Variants in ANO10 observed in about 807,000 individuals in gnomAD.
ANO10 encodes anoctamin 10.
ANO10 carries 77 observed loss-of-function variants against 74.7 expected under a neutral mutation model. The observed-to-expected ratio is 1.03, with a 90% CI of 0.86 to 1.25. ANO10 has a LOEUF of 1.25. Ranked by LOEUF, ANO10 falls within the 50% of genes most tolerant of loss-of-function variation. The probability of loss-of-function intolerance (pLI) is 0.00; values close to 1 mark genes in which losing one functional copy is unlikely to be tolerated. For synonymous variants in ANO10, 279 were observed against 284.9 expected, an observed-to-expected ratio of 0.98 and a Z score of 0.21; for missense variants, 721 against 778.1, an observed-to-expected ratio of 0.93 and a Z score of 0.87.
At chr3:43,427,274 G>A (rs2092912743) in intron 12 of ANO10, among the ~76,000 whole-genome samples, 1 of 152,248 alleles carries the variant, frequency 6.6e-6, no homozygotes, top group African/African-American at 2.4e-5. Flanking sequence ...TTTTTGCTGG[G>A]GGGTGGGGAT....
intron 8 of ANO10, among the ~76,000 whole-genome samples, chr3:43,562,540 G>C (rs2080097493): frequency 6.8e-6 from 1 of 147,446 alleles, no homozygotes; most frequent in East Asian, 2.0e-4. Context: ...AATTAGCCAG[G>C]CGTGGTGGCG....
intron 11 of ANO10, among the ~76,000 whole-genome samples, chr3:43,544,808 A>AG (rs1049740482): frequency 6.6e-6 from 1 of 151,648 alleles, no homozygotes; most frequent in African/African-American, 2.4e-5. Context: ...AAAAAAAAAA[A>AG]AAAAAAAAAG....
intron 11 of ANO10, among the ~76,000 whole-genome samples, chr3:43,443,280 T>C (rs2093188405): frequency 6.6e-6 from 1 of 152,128 alleles, no homozygotes; most frequent in Admixed American, 6.5e-5. Context: ...AGCAAACCCT[T>C]GAAGCTTTGC....
intron 12 of ANO10, among the ~76,000 whole-genome samples, chr3:43,423,129 A>G (rs550675076): frequency 6.6e-6 from 1 of 152,194 alleles, no homozygotes; most frequent in African/African-American, 2.4e-5. Flanking sequence ...AAAAAAAAAA[A>G]AAAGGATTTG....
At chr3:43,617,739 AG>A (rs904629170) in intron 1 of ANO10, among the ~76,000 whole-genome samples, 30 of 152,112 alleles carry the variant, frequency 2.0e-4, no homozygotes, top group South Asian at 8.3e-4. Flanking sequence ...AGAAAAAAAA[AG>A]TCAATGGAAT....
At chr3:43,578,524 C>T (rs57223361) in intron 5 of ANO10, among the ~76,000 whole-genome samples, 6 of 152,058 alleles carry the variant, frequency 3.9e-5, no homozygotes, top group South Asian at 2.1e-4. Context: ...CCAAGGCGGG[C>T]GAATCACCTG....
intron 1 of ANO10, among the ~76,000 whole-genome samples, chr3:43,660,372 C>G (rs1167712593): frequency 2.0e-5 from 3 of 151,960 alleles, no homozygotes; most frequent in Non-Finnish European, 2.9e-5. Context: ...ATCAAGCTAA[C>G]TAGAAAAATA....
chr3:43,620,326 C>A (rs1285647837), intron 1 of ANO10, among the ~76,000 whole-genome samples: 3 of 152,050 alleles, frequency 2.0e-5, no homozygotes, highest in Non-Finnish European at 4.4e-5. Flanking sequence ...AACAATATTA[C>A]CCCAATTAGG....
At position 43,605,793 on chromosome 3, in the gene ANO10, G is replaced by C; in HGVS notation, c.60C>G (p.Val20=). ...TSESSFTPLV[V]IELAQDVKEE... ...CTTTGACATCCTGAGCAAGTTCTAT[G>C]ACCACCAAAGGTGTGAAAGAACTCT... The change falls in exon 2 of 13, where the codon GTC becomes GTG. Residue 20 remains valine, a synonymous_variant. Transcript: ENST00000292246. The C allele has an allele frequency of 6.2e-7, 1 of 1,613,524 alleles. No individual in the cohort carries two copies. The highest frequency in any genetic ancestry group is 2.2e-5 in the East Asian group (1 of 44,852).
At chr3:43,377,179 C>T (rs113666906) in intron 12 of ANO10, among the ~76,000 whole-genome samples, 4,181 of 152,234 alleles carry the variant, frequency 0.027, 203 homozygotes, top group African/African-American at 0.095. Flanking sequence ...CTGGACCTTC[C>T]GGGATCAGGT....
intron 12 of ANO10, among the ~76,000 whole-genome samples, chr3:43,415,405 C>G (rs2092723268): frequency 1.3e-5 from 2 of 152,078 alleles, no homozygotes; most frequent in African/African-American, 4.8e-5. Flanking sequence ...TTATCAACAC[C>G]AAGACACACA....
chr3:43,368,886 C>T (rs1454560261), intron 12 of ANO10, among the ~76,000 whole-genome samples: 1 of 152,170 alleles, frequency 6.6e-6, no homozygotes, highest in East Asian at 1.9e-4. Flanking sequence ...ACAGAACATT[C>T]CCCAGCTTGT....
At chr3:43,545,046 T>G (rs1333089710) in intron 11 of ANO10, among the ~76,000 whole-genome samples, 1 of 152,098 alleles carries the variant, frequency 6.6e-6, no homozygotes, top group Non-Finnish European at 1.5e-5. Context: ...AAAAAAAGCA[T>G]CTTAAATTGC....
intron 11 of ANO10, among the ~76,000 whole-genome samples, chr3:43,465,296 A>G (rs540060019): frequency 6.6e-6 from 1 of 152,336 alleles, no homozygotes; most frequent in South Asian, 2.1e-4. Flanking sequence ...CAGTATTTAC[A>G]CAAACCTAGA....
Position 43,547,784 on chromosome 3 carries a change from T to C in ANO10, c.1797+1936A>G, listed in dbSNP as rs190184400. ...TAAGTAAGAAGAACCAGGCCCTCAA[T>C]ATGTGATTAAGGTATCACTAAATAC... On this transcript the variant is annotated intron_variant, in intron 11 of 12. Coordinates refer to ENST00000292246, the MANE Select transcript of ANO10 (RefSeq NM_018075.5). 1.2e-3 allele frequency among the ~76,000 whole-genome samples: 181 copies of C among 152,280 alleles called. 1 individual carries two copies. The highest frequency in any genetic ancestry group is 4.3e-3 in the African/African-American group (179 of 41,576).
intron 1 of ANO10, among the ~76,000 whole-genome samples, chr3:43,657,687 C>A (rs2083873240): frequency 6.6e-6 from 1 of 152,192 alleles, no homozygotes; most frequent in Non-Finnish European, 1.5e-5. Context: ...TTTCTAGGCC[C>A]CAGGATAGCC....
At chr3:43,570,076 A>G (rs1342170718) in intron 7 of ANO10, among the ~76,000 whole-genome samples, 1 of 147,208 alleles carries the variant, frequency 6.8e-6, no homozygotes, top group East Asian at 2.0e-4. Flanking sequence ...GTGAACTCCC[A>G]TTCACAATTG....
At chr3:43,592,512 TC>T (rs2081840662) in intron 4 of ANO10, among the ~76,000 whole-genome samples, 1 of 152,040 alleles carries the variant, frequency 6.6e-6, no homozygotes, top group African/African-American at 2.4e-5. Flanking sequence ...TCCAGCAAAC[TC>T]CAGCAGACCT....
At chr3:43,617,988 C>T (rs143538820) in intron 1 of ANO10, 1 of 152,362 alleles carries the variant, frequency 6.6e-6, no homozygotes, top group African/African-American at 2.4e-5. Flanking sequence ...AGGCCAACTC[C>T]AGAGGACCCG....
Sources: gnomAD v4.1 joint callset for allele counts (sites outside exome capture counted in the v4.1 genomes callset) on GRCh38, gnomAD v4.1.1 for gene constraint, MANE v1.5 for transcripts, NCBI Gene and HGNC (gene_info 2026-07-23, HGNC 2026-07-21) for gene names.